The following RNF150 variants were observed in gnomAD, a reference collection of about 807,000 sequenced individuals.
RNF150 encodes the protein ring finger protein 150.
Under a neutral mutation model 39.3 loss-of-function variants are expected in RNF150, and 24 were observed. That is an observed-to-expected ratio of 0.61 (90% CI 0.44 to 0.86). The LOEUF (loss-of-function observed/expected upper bound fraction) is 0.86. Ranked by LOEUF, RNF150 falls within the 40% of genes least tolerant of loss-of-function variation. RNF150 has a pLI of 0.00. For missense variants in RNF150, 502 were observed against 587.8 expected, an observed-to-expected ratio of 0.85 and a Z score of 1.51; for synonymous variants, 255 against 227.3, an observed-to-expected ratio of 1.12 and a Z score of -1.10.
At chr4:141,202,557 A>AT (rs559131740) in intron 1 of RNF150, among the ~76,000 whole-genome samples, 34 of 149,898 alleles carry the variant, frequency 2.3e-4, no homozygotes, top group African/African-American at 3.4e-4. Context: ...TATTTTTCAA[A>AT]TTTTTTTTTT....
At chr4:140,924,411 T>C (rs547861723) in intron 5 of RNF150, among the ~76,000 whole-genome samples, 1 of 152,296 alleles carries the variant, frequency 6.6e-6, no homozygotes, top group East Asian at 1.9e-4. Context: ...AGTACAAAAT[T>C]GAACGATGGA....
In RNF150 at chr4:141,132,166, C is replaced by T. The variant is rs981026553; in HGVS notation, c.484+159G>A. Among the ~76,000 whole-genome samples, 1 of 152,208 alleles carries T rather than the reference C, an allele frequency of 6.6e-6. No homozygotes were observed. Among genetic ancestry groups the T allele is most frequent in the South Asian group, 2.1e-4 (1 of 4,832 alleles). On this transcript the variant is annotated intron_variant, in intron 1 of 6. Transcript: ENST00000515673. The surrounding 1 kb of genome is among the most constrained non-coding windows in gnomAD (Gnocchi z 4.9). The stretch of plus-strand genomic sequence containing the variant: ...TAATCTTCTCCTCTTTGTAAACCCC[C>T]CAAGTGACGCGGAGCAAAACTTAAT...
At chr4:141,098,241 C>G (rs113436844) in intron 1 of RNF150, among the ~76,000 whole-genome samples, 2 of 152,342 alleles carry the variant, frequency 1.3e-5, no homozygotes, top group African/African-American at 4.8e-5. Context: ...TAAGCAGAAG[C>G]AACCCAAAGT....
intron 1 of RNF150, among the ~76,000 whole-genome samples, chr4:141,172,569 C>T (rs374038526): frequency 1.4e-4 from 22 of 152,210 alleles, no homozygotes; most frequent in African/African-American, 4.3e-4. Flanking sequence ...GTACCCTGTA[C>T]GAGATATGAC....
intron 2 of RNF150, among the ~76,000 whole-genome samples, chr4:140,954,207 GCTT>G (rs1732656563): frequency 6.6e-6 from 1 of 152,038 alleles, no homozygotes; most frequent in African/African-American, 2.4e-5. Context: ...CCCAAATCAT[GCTT>G]CTTCTTCTTA....
chr4:141,081,985 T>G (rs1738166546), intron 1 of RNF150, among the ~76,000 whole-genome samples: 1 of 152,256 alleles, frequency 6.6e-6, no homozygotes, highest in African/African-American at 2.4e-5. Context: ...ACTGTTTCAC[T>G]GTCAAAGTAT....
At chr4:140,902,875 T>C (rs1275092385) in intron 6 of RNF150, among the ~76,000 whole-genome samples, 1 of 152,202 alleles carries the variant, frequency 6.6e-6, no homozygotes, top group African/African-American at 2.4e-5. Context: ...GAAATGAAGA[T>C]AGACAGATGC....
intron 1 of RNF150, among the ~76,000 whole-genome samples, chr4:141,108,969 G>A (rs904076082): frequency 2.6e-5 from 4 of 152,096 alleles, no homozygotes; most frequent in Non-Finnish European, 5.9e-5. Flanking sequence ...TGGGCATATT[G>A]CTTGAATGTA....
intron 1 of RNF150, among the ~76,000 whole-genome samples, chr4:140,974,856 C>T (rs1215371845): frequency 6.6e-6 from 1 of 151,782 alleles, no homozygotes; most frequent in South Asian, 2.1e-4. Context: ...AAACTACAGG[C>T]GACCCTTCAT....
intron 6 of RNF150, among the ~76,000 whole-genome samples, chr4:140,872,759 A>C (rs933773006): frequency 2.0e-5 from 3 of 152,234 alleles, no homozygotes; most frequent in Admixed American, 6.5e-5. Flanking sequence ...ACTGGAGAAG[A>C]AGCAGGTGTT....
intron 1 of RNF150, among the ~76,000 whole-genome samples, chr4:141,156,633 C>T (rs1377896191): frequency 1.3e-5 from 2 of 151,002 alleles, no homozygotes; most frequent in Non-Finnish European, 2.9e-5. Flanking sequence ...GTGGCTCACA[C>T]CTGTAATCCC....
chr4:140,941,080 T>A (rs1014235214), intron 4 of RNF150, among the ~76,000 whole-genome samples: 2 of 151,828 alleles, frequency 1.3e-5, no homozygotes, highest in African/African-American at 2.4e-5. Flanking sequence ...AGAAAAAAAA[T>A]AATAAGAATA....
At chr4:141,180,648 G>T (rs1727892265) in intron 1 of RNF150, among the ~76,000 whole-genome samples, 1 of 152,034 alleles carries the variant, frequency 6.6e-6, no homozygotes, top group Non-Finnish European at 1.5e-5. Context: ...TCTGTTTGGT[G>T]CCATACTCCT....
intron 5 of RNF150, among the ~76,000 whole-genome samples, chr4:140,922,507 A>G (rs1028831688): frequency 6.6e-5 from 10 of 152,170 alleles, no homozygotes; most frequent in South Asian, 2.1e-4. Context: ...ATGCTCATAG[A>G]TAGGAAGAAT....
At chr4:141,206,134 T>C (rs1352553380) in intron 1 of RNF150, among the ~76,000 whole-genome samples, 1 of 151,982 alleles carries the variant, frequency 6.6e-6, no homozygotes, top group Non-Finnish European at 1.5e-5. Flanking sequence ...AAAAGAGTGT[T>C]CCTGGCCGGG....
intron 4 of RNF150, among the ~76,000 whole-genome samples, chr4:140,931,432 T>C (rs948908819): frequency 1.3e-5 from 2 of 152,170 alleles, no homozygotes; most frequent in African/African-American, 4.8e-5. Context: ...ATAATTGGGA[T>C]TGGAAAGCAG....
Position 141,036,525 on chromosome 4 carries a change from C to T in RNF150, c.485-68652G>A, listed in dbSNP as rs999290562. Among the ~76,000 whole-genome samples, 31 of 152,086 alleles carry T rather than the reference C, an allele frequency of 2.0e-4. 2 individuals carry two copies. The highest frequency in any genetic ancestry group is 1.4e-3 in the Admixed American group (22 of 15,240). ...AAACTGAAACTGTATACTCACGGAA[C>T]GACTCCACATTCAGAATTTGGATTT... On this transcript the variant is annotated intron_variant, in intron 1 of 6. Transcript: ENST00000515673.
chr4:141,196,083 C>A (rs1027306658), intron 1 of RNF150, among the ~76,000 whole-genome samples: 2 of 152,158 alleles, frequency 1.3e-5, no homozygotes, highest in African/African-American at 4.8e-5. Flanking sequence ...GGTGAAGAAA[C>A]CCCAAGAAAC....
chr4:140,873,345 G>A (rs1201732404), intron 6 of RNF150, among the ~76,000 whole-genome samples: 6 of 152,120 alleles, frequency 3.9e-5, no homozygotes, highest in Non-Finnish European at 8.8e-5. Context: ...TGCCTGGCCT[G>A]TGCAGACATT....
Sources: gnomAD v4.1 joint callset for allele counts (sites outside exome capture counted in the v4.1 genomes callset) on GRCh38, gnomAD v4.1.1 for gene constraint, Gnocchi (gnomAD v3.1) non-coding constraint, MANE v1.5 for transcripts, NCBI Gene and HGNC (gene_info 2026-07-23, HGNC 2026-07-21) for gene names.